Variants in ASCC3 observed in about 807,000 individuals in gnomAD.
The protein encoded by ASCC3 is activating signal cointegrator 1 complex subunit 3.
Under a neutral mutation model 256.3 loss-of-function variants are expected in ASCC3, and 158 were observed. The ratio of observed to expected loss-of-function variants is 0.62; its 90% CI spans 0.54 to 0.70. ASCC3 has a LOEUF of 0.70. Among genes scored for constraint, ASCC3 ranks in the 30% least tolerant of loss-of-function variants. The pLI, the probability that ASCC3 is intolerant of heterozygous loss-of-function variation, is 0.00. For synonymous variants in ASCC3, 948 were observed against 883.4 expected (o/e 1.07, Z -1.30); for missense variants, 2,259 against 2,626.0 (o/e 0.86, Z 3.05).
intron 10 of ASCC3, among the ~76,000 whole-genome samples, chr6:100,739,751 C>T (rs1228250196): frequency 6.6e-6 from 1 of 152,042 alleles, no homozygotes; most frequent in African/African-American, 2.4e-5. Flanking sequence ...TCTGTGGTGG[C>T]TGGTTATATT....
intron 1 of ASCC3, among the ~76,000 whole-genome samples, chr6:100,868,530 C>A (rs577063631): frequency 1.3e-5 from 2 of 152,284 alleles, no homozygotes; most frequent in South Asian, 2.1e-4. Context: ...CTAAAACAGG[C>A]GACCCAGTCG....
intron 33 of ASCC3, among the ~76,000 whole-genome samples, chr6:100,604,461 C>G (rs1437895266): frequency 6.7e-6 from 1 of 149,272 alleles, no homozygotes; most frequent in African/African-American, 2.5e-5. Context: ...TTTCTTTTTC[C>G]TTTATTTTTC....
At position 100,821,522 on chromosome 6, in the gene ASCC3, A is replaced by AT. The variant is rs1771041174; in HGVS notation, c.802-15643dup. 2.0e-5 allele frequency among the ~76,000 whole-genome samples: 3 copies of AT among 151,668 alleles called. No individual in the cohort carries two copies. In the South Asian group the frequency reaches 6.3e-4, roughly 32 times the overall value. On this transcript the variant is annotated intron_variant, in intron 4 of 41. Transcript: ENST00000369162. ...GAACAAAATGGAATATTATTCAGCT[A>AT]TAAAAAAAAAATGAAGTAGTAGGCA...
intron 4 of ASCC3, among the ~76,000 whole-genome samples, chr6:100,841,927 A>G (rs1383407642): frequency 6.6e-6 from 1 of 152,202 alleles, no homozygotes; most frequent in Non-Finnish European, 1.5e-5. Flanking sequence ...TTACATGAGG[A>G]TCACCATTTC....
intron 14 of ASCC3, among the ~76,000 whole-genome samples, chr6:100,676,304 T>A (rs1777003174): frequency 1.3e-5 from 2 of 152,336 alleles, no homozygotes; most frequent in South Asian, 4.1e-4. Flanking sequence ...AGTAAATAAC[T>A]AGAATAGGTA....
intron 3 of ASCC3, chr6:100,857,352 G>A (rs943590753): frequency 6.6e-6 from 1 of 151,842 alleles, no homozygotes; most frequent in Admixed American, 6.6e-5. Flanking sequence ...TCCATGTTTT[G>A]CCTTTTTACT....
At chr6:100,660,904 C>T (rs990524529) in intron 16 of ASCC3, among the ~76,000 whole-genome samples, 2 of 151,558 alleles carry the variant, frequency 1.3e-5, no homozygotes, top group African/African-American at 2.4e-5. Context: ...TTGGAATATA[C>T]ACTTCTTAAT....
In ASCC3 at chr6:100,589,741, A is replaced by T. The variant is rs1223837416; in HGVS notation, c.5443T>A (p.Tyr1815Asn). The change falls in exon 36 of 42, where the codon TAT (tyrosine) becomes AAT (asparagine). Residue 1815 changes from tyrosine (Y) to asparagine (N), a missense_variant. Transcript: ENST00000369162. Reference protein sequence around the residue: ...EDNRSIEPLTYGRIASYYYLK... With the variant: ...EDNRSIEPLTNGRIASYYYLK... ...TAGTAATAGGAGGCAATTCGGCCAT[A>T]AGTTAGAGGTTCAATGCTGCGATTA... The T allele has an allele frequency of 1.9e-6, 3 of 1,613,652 alleles. No individual in the cohort carries two copies. In the Admixed American group the frequency reaches 5.0e-5, roughly 27 times the overall value.
rs369974362 is a variant in ASCC3 at position 100,597,809 on chromosome 6, G to GAA, written c.5303+3999_5303+4000dup. Among the ~76,000 whole-genome samples, 26 of 88,590 alleles carry GAA rather than the reference G, an allele frequency of 2.9e-4. 2 individuals are homozygous for GAA. Among genetic ancestry groups the GAA allele is most frequent in the East Asian group, 7.8e-4 (2 of 2,578 alleles). 58.1% of individuals were successfully genotyped at this position (88,590 alleles called of 152,430 possible). On this transcript the variant is annotated intron_variant, in intron 34 of 41. Transcript: ENST00000369162. Reference sequence around the variant, plus strand: ...TACACAGTGAAACCCCGTCTCTACTGAAAAAAAAAAAAAAATTAGCCGAGC... The same window carrying GAA: ...TACACAGTGAAACCCCGTCTCTACTGAAAAAAAAAAAAAAAAATTAGCCGAGC...
At chr6:100,532,400 ATATATATTTTT>A (rs1377680849) in intron 37 of ASCC3, among the ~76,000 whole-genome samples, 108 of 52,318 alleles carry the variant, frequency 2.1e-3, no homozygotes, top group African/African-American at 8.1e-3. Context: ...ATATATATAT[ATATATATTTTT>A]TTTTTTTTTT....
chr6:100,596,659 T>C (rs1170441528), intron 34 of ASCC3, among the ~76,000 whole-genome samples: 1 of 152,210 alleles, frequency 6.6e-6, no homozygotes, highest in Non-Finnish European at 1.5e-5. Context: ...CTTCTTTCAA[T>C]CCTTAAATTT....
chr6:100,695,183 C>G (rs984491363), intron 13 of ASCC3, among the ~76,000 whole-genome samples: 3 of 152,070 alleles, frequency 2.0e-5, no homozygotes, highest in African/African-American at 7.2e-5. Flanking sequence ...TTGATATACG[C>G]TCTTTGAAAA....
intron 2 of ASCC3, 100 bp from the exon 3 acceptor site, chr6:100,864,314 T>A: frequency 1.9e-6 from 2 of 1,054,528 alleles, no homozygotes; most frequent in Non-Finnish European, 2.8e-6. Context: ...AACTTGGTAC[T>A]ACCCACAAGA....
intron 3 of ASCC3, among the ~76,000 whole-genome samples, chr6:100,854,546 T>G (rs528575714): frequency 2.0e-5 from 3 of 151,930 alleles, no homozygotes; most frequent in Non-Finnish European, 4.4e-5. Flanking sequence ...TAGAAAAAAA[T>G]AGTAGTAGTA....
intron 24 of ASCC3, among the ~76,000 whole-genome samples, chr6:100,640,537 CAAGTT>C (rs1271678054): frequency 5.3e-5 from 8 of 152,074 alleles, no homozygotes; most frequent in African/African-American, 1.2e-4. Flanking sequence ...AATGTTAACG[CAAGTT>C]AAGATCAAGT....
At chr6:100,641,809 A>G (rs1775131850) in intron 24 of ASCC3, among the ~76,000 whole-genome samples, 1 of 152,184 alleles carries the variant, frequency 6.6e-6, no homozygotes, top group Non-Finnish European at 1.5e-5. Flanking sequence ...TGTGGCACAT[A>G]TACACCATGG....
At chr6:100,549,114 A>G (rs1163077501) in intron 36 of ASCC3, among the ~76,000 whole-genome samples, 1 of 151,850 alleles carries the variant, frequency 6.6e-6, no homozygotes, top group African/African-American at 2.4e-5. Context: ...GGAAAGAAAA[A>G]CTGCAAATAA....
At chr6:100,725,108 G>T (rs1779563212) in intron 11 of ASCC3, among the ~76,000 whole-genome samples, 1 of 151,796 alleles carries the variant, frequency 6.6e-6, no homozygotes, top group African/African-American at 2.4e-5. Context: ...TATTTCAGAA[G>T]AAAATAAAGG....
At chr6:100,623,831 A>C (rs912957159) in intron 30 of ASCC3, among the ~76,000 whole-genome samples, 1 of 152,134 alleles carries the variant, frequency 6.6e-6, no homozygotes, top group East Asian at 1.9e-4. Context: ...TCATACTAAC[A>C]AACTGGATTA....
Sources: gnomAD v4.1 joint callset for allele counts (sites outside exome capture counted in the v4.1 genomes callset) on GRCh38, gnomAD v4.1.1 for gene constraint, MANE v1.5 for transcripts, NCBI Gene and HGNC (gene_info 2026-07-23, HGNC 2026-07-21) for gene names.